Variants in ANKS3 observed in about 807,000 individuals in gnomAD.
The protein encoded by ANKS3 is ankyrin repeat and SAM domain-containing protein 3.
ANKS3 carries 62 observed loss-of-function variants against 80.7 expected under a neutral mutation model. The observed-to-expected ratio is 0.77, with a 90% CI of 0.63 to 0.95. The LOEUF (loss-of-function observed/expected upper bound fraction) is 0.95. Among genes scored for constraint, ANKS3 ranks in the 40% least tolerant of loss-of-function variants. ANKS3 has a pLI of 0.00. For synonymous variants in ANKS3, 489 were observed against 355.3 expected, an observed-to-expected ratio of 1.38 and a Z score of -4.23; for missense variants, 1,150 against 883.6, an observed-to-expected ratio of 1.30 and a Z score of -3.82.
rs758388486 is a variant in ANKS3 at position 4,726,987 on chromosome 16, G to A, written c.361C>T (p.Leu121Phe). The change falls in exon 4 of 18, where the codon CTT (leucine) becomes TTT (phenylalanine). Residue 121 changes from leucine to phenylalanine, a missense_variant. Coordinates refer to ENST00000304283, the MANE Select transcript of ANKS3 (RefSeq NM_133450.4). Reference sequence around the variant, plus strand: ...GTTCCCTCGTAGCTCACCTGGAGAAGAAAGTAGGCGATGCTCTCGTTGCCA... The same window carrying A: ...GTTCCCTCGTAGCTCACCTGGAGAAAAAAGTAGGCGATGCTCTCGTTGCCA... ...SCGNESIAYFLLQQGAELEMK... is the reference protein window; with the variant it reads ...SCGNESIAYFFLQQGAELEMK... The A allele has an allele frequency of 1.9e-6, 3 of 1,614,112 alleles. No homozygotes were observed. Among genetic ancestry groups the A allele is most frequent in the Non-Finnish European group, 2.5e-6 (3 of 1,180,044 alleles).
At chr16:4,704,724 T>A (rs527632871) in intron 8 of ANKS3, among the ~76,000 whole-genome samples, 1 of 152,312 alleles carries the variant, frequency 6.6e-6, no homozygotes, top group South Asian at 2.1e-4. Context: ...CCAGCTGGTA[T>A]GGGCAGGGCA....
At chr16:4,707,616 G>A (rs2080268492) in intron 7 of ANKS3, among the ~76,000 whole-genome samples, 1 of 152,136 alleles carries the variant, frequency 6.6e-6, no homozygotes, top group Admixed American at 6.6e-5. Context: ...ATAATTCACA[G>A]TGAATCTATA....
intron 7 of ANKS3, among the ~76,000 whole-genome samples, chr16:4,711,891 C>T (rs972885861): frequency 1.3e-5 from 2 of 152,014 alleles, no homozygotes; most frequent in African/African-American, 4.8e-5. Flanking sequence ...AAACTGTTAT[C>T]GAGGAACCAC....
At chr16:4,715,780 A>G (rs1170483291) in intron 6 of ANKS3, among the ~76,000 whole-genome samples, 1 of 151,716 alleles carries the variant, frequency 6.6e-6, no homozygotes, top group Non-Finnish European at 1.5e-5. Flanking sequence ...TGTTTTTAAA[A>G]TGTACTACCA....
rs1434849924 is a variant in ANKS3 at position 4,697,373 on chromosome 16, G to C, written c.1854C>G (p.Pro618=). The part of the protein sequence containing the change: ...WQASLQAMSL[P]ELSGALEDRV... ...GGTCCTCCAGGGCTCCCGAGAGCTC[G>C]GGGAGGCTCATGGCCTGCAGGGACG... The change falls in exon 16 of 18, where the codon CCC becomes CCG. Residue 618 remains proline (P), a synonymous_variant. Coordinates refer to ENST00000304283, the MANE Select transcript of ANKS3 (RefSeq NM_133450.4). 1.2e-6 allele frequency: 2 copies of C among 1,610,206 alleles called. No homozygotes were observed. Among genetic ancestry groups the C allele is most frequent in the Non-Finnish European group, 1.7e-6 (2 of 1,178,332 alleles).
chr16:4,725,720 C>T (rs981899815), intron 5 of ANKS3, among the ~76,000 whole-genome samples: 1 of 152,132 alleles, frequency 6.6e-6, no homozygotes, highest in African/African-American at 2.4e-5. Flanking sequence ...TGCAGTGGCA[C>T]GATCTCTCAG....
At chr16:4,732,121 G>C (rs950873859) in intron 1 of ANKS3, among the ~76,000 whole-genome samples, 1 of 152,166 alleles carries the variant, frequency 6.6e-6, no homozygotes, top group East Asian at 1.9e-4. Context: ...CCTTGGTGAA[G>C]AGTGTGTGTA....
At chr16:4,728,334 G>A (rs537826794) in intron 3 of ANKS3, among the ~76,000 whole-genome samples, 198 of 152,234 alleles carry the variant, frequency 1.3e-3, no homozygotes, top group Admixed American at 3.2e-3. Flanking sequence ...GTGAGCCACC[G>A]CGCCCAGCCG....
At chr16:4,733,265 A>C (rs975802419) in intron 1 of ANKS3, among the ~76,000 whole-genome samples, 2 of 151,044 alleles carry the variant, frequency 1.3e-5, no homozygotes, top group Admixed American at 6.6e-5. Flanking sequence ...ACTATAGTCA[A>C]TATAATCTAA....
rs76258569 is a variant in ANKS3 at position 4,709,330 on chromosome 16, C to A, written c.710-4077G>T. Among the ~76,000 whole-genome samples the A allele has an allele frequency of 3.1e-4, 47 of 150,126 alleles. No individual in the cohort carries two copies. The East Asian group carries it at 5.0e-3, about 16-fold the overall frequency. On this transcript the variant is annotated intron_variant, in intron 7 of 17. Coordinates refer to ENST00000304283, the MANE Select transcript of ANKS3 (RefSeq NM_133450.4). ...CTGAGGCAGGAGAATCGCTTGAACCCGGGAGGTGGAGGTTGCAGTGAGCCA... is the reference window on the plus strand; with the variant it reads ...CTGAGGCAGGAGAATCGCTTGAACCAGGGAGGTGGAGGTTGCAGTGAGCCA...
chr16:4,713,154 C>T (rs1448066718), intron 7 of ANKS3, among the ~76,000 whole-genome samples: 1 of 152,058 alleles, frequency 6.6e-6, no homozygotes, highest in African/African-American at 2.4e-5. Context: ...GCCTGTAATC[C>T]CAGCTACCTG....
chr16:4,725,008 C>T, intron 5 of ANKS3, 177 bp from the exon 6 acceptor site: 1 of 531,016 alleles, frequency 1.9e-6, no homozygotes, highest in East Asian at 3.2e-5. Context: ...ACATCAGCTC[C>T]ATTTACTCTT....
chr16:4,700,603 G>A (rs563059678), intron 11 of ANKS3: 3 of 375,638 alleles, frequency 8.0e-6, no homozygotes, highest in Middle Eastern at 7.0e-4. Context: ...GGTGGCAGCT[G>A]TAACCATCAC....
Position 4,723,968 on chromosome 16 carries a change from G to A in ANKS3, c.573+782C>T, listed in dbSNP as rs192282627. Among the ~76,000 whole-genome samples, 364 of 152,278 alleles carry A rather than the reference G, an allele frequency of 2.4e-3. 3 individuals are homozygous for A. The highest frequency in any genetic ancestry group is 4.6e-3 in the Non-Finnish European group (311 of 68,028). ...CCCAGCTACTTGGGGGCTGAGGCAG[G>A]AGGATCGCTTGAGCCCAGGAGGCTG... On this transcript the variant is annotated intron_variant, in intron 6 of 17. Transcript: ENST00000304283.
Position 4,701,218 on chromosome 16 carries a change from T to C in ANKS3, c.1120-84A>G. ...AACCCCCACCCGCCACACAGGGGCT[T>C]GAGAGGCTTCGTGAAACCCCCCACC... is the stretch of plus-strand genomic sequence containing the variant. On this transcript the variant is annotated intron_variant, in intron 10 of 17. Transcript: ENST00000304283. The C allele has an allele frequency of 8.2e-6, 13 of 1,589,638 alleles. 1 individual carries two copies. The South Asian group carries it at 1.4e-4, about 18-fold the overall frequency.
intron 6 of ANKS3, among the ~76,000 whole-genome samples, chr16:4,721,604 C>T (rs1434698920): frequency 6.9e-6 from 1 of 144,638 alleles, no homozygotes; most frequent in Non-Finnish European, 1.5e-5. Context: ...GAGCAAGACC[C>T]CATCTCTTTA....
chr16:4,717,952 C>T (rs1243512631), intron 6 of ANKS3, among the ~76,000 whole-genome samples: 1 of 152,140 alleles, frequency 6.6e-6, no homozygotes, highest in Non-Finnish European at 1.5e-5. Flanking sequence ...CACGCCACCA[C>T]GCCCCGCTAA....
rs1292950111 is a variant in ANKS3 at position 4,712,938 on chromosome 16, G to C, written c.709+1113C>G. On this transcript the variant is annotated intron_variant, in intron 7 of 17. Transcript: ENST00000304283. Reference sequence around the variant, plus strand: ...AAAGAATCAATAACAAAACTAACCTGAACAATGTAAGAATTCTGTAAGGTA... The same window carrying C: ...AAAGAATCAATAACAAAACTAACCTCAACAATGTAAGAATTCTGTAAGGTA... Among the ~76,000 whole-genome samples, 4 of 152,092 alleles carry C rather than the reference G, an allele frequency of 2.6e-5. No individual in the cohort carries two copies. The East Asian group carries it at 7.7e-4, about 29-fold the overall frequency.
chr16:4,707,132 C>A (rs987492662), intron 7 of ANKS3, among the ~76,000 whole-genome samples: 1 of 152,134 alleles, frequency 6.6e-6, no homozygotes, highest in African/African-American at 2.4e-5. Flanking sequence ...AGCAAGGGAA[C>A]GGCAGCTGCG....
Sources: allele counts gnomAD v4.1 joint callset (sites outside exome capture counted in the v4.1 genomes callset), GRCh38; gene constraint gnomAD v4.1.1; transcripts MANE v1.5; gene names NCBI Gene and HGNC (gene_info 2026-07-23, HGNC 2026-07-21).